Variants in AGAP1 observed in about 807,000 individuals in gnomAD.
AGAP1 encodes ArfGAP with GTPase domain, ankyrin repeat and PH domain 1.
Under a neutral mutation model 105.3 loss-of-function variants are expected in AGAP1, and 29 were observed. The observed-to-expected ratio is 0.28, with a 90% confidence interval of 0.21 to 0.38. The LOEUF is 0.38. AGAP1 is among the 10% of genes least tolerant of loss of function. AGAP1 has a pLI of 1.00. For synonymous variants in AGAP1, 509 were observed against 485.9 expected, an observed-to-expected ratio of 1.05 and a Z score of -0.63; for missense variants, 998 against 1,165.1, an observed-to-expected ratio of 0.86 and a Z score of 2.09.
Position 236,053,507 on chromosome 2 carries a change from A to G in AGAP1, c.2114+4226A>G, listed in dbSNP as rs1455455058. ...CCCGTTGTTCTTTATTGTTGTCCCCATTGCACTTAAAAACATTTGGGATTG... is the reference window on the plus strand; with the variant it reads ...CCCGTTGTTCTTTATTGTTGTCCCCGTTGCACTTAAAAACATTTGGGATTG... On this transcript the variant is annotated intron_variant, in intron 16 of 17. Transcript: ENST00000304032. The surrounding 1 kb of genome is among the most constrained non-coding windows in gnomAD (Gnocchi z 4.6). Among the ~76,000 whole-genome samples the G allele has an allele frequency of 1.3e-5, 2 of 152,208 alleles. No homozygotes were observed. Among genetic ancestry groups the G allele is most frequent in the Non-Finnish European group, 2.9e-5 (2 of 68,040 alleles).
chr2:236,041,733 A>G (rs73123798), intron 15 of AGAP1, among the ~76,000 whole-genome samples: 39,393 of 152,152 alleles, frequency 0.26, 6,162 homozygotes, highest in African/African-American at 0.44. Flanking sequence ...CCAGGAGTCA[A>G]ACGTGCATGG....
chr2:235,706,497 G>A (rs1177908877), intron 1 of AGAP1, among the ~76,000 whole-genome samples: 1 of 152,120 alleles, frequency 6.6e-6, no homozygotes, highest in Non-Finnish European at 1.5e-5. Context: ...CAAATTACAG[G>A]CCTGAGCCAC....
In AGAP1 at chr2:236,109,664, G is replaced by A. The variant is rs1398858281; in HGVS notation, c.2115-10528G>A. On this transcript the variant is annotated intron_variant, in intron 16 of 17. Transcript: ENST00000304032. This position sits in a 1 kb window ranked among gnomAD's most constrained non-coding sequence, Gnocchi z 5.4. ...CGTGGGAACGTCCTAGTCGGCGGCA[G>A]CGTCGGTGCTCTGGACCGGCAGCCG... Among the ~76,000 whole-genome samples the A allele has an allele frequency of 6.6e-6, 1 of 152,224 alleles. No homozygotes were observed. Among genetic ancestry groups the A allele is most frequent in the African/African-American group, 2.4e-5 (1 of 41,468 alleles).
rs906127550 is a variant in AGAP1, at chr2:235,927,698, G to A, written c.1325-3067G>A. Among the ~76,000 whole-genome samples, 2 of 152,214 alleles carry A rather than the reference G, an allele frequency of 1.3e-5. No homozygotes were observed. The highest frequency in any genetic ancestry group is 1.3e-4 in the Admixed American group (2 of 15,286). On this transcript the variant is annotated intron_variant, in intron 11 of 17. Coordinates refer to ENST00000304032, the MANE Select transcript of AGAP1 (RefSeq NM_001037131.3). The surrounding 1 kb of genome is among the most constrained non-coding windows in gnomAD (Gnocchi z 4.4). ...GCAAGTAGTCAGTGATGGATGCACT[G>A]AAATACTGTCCTCTGCCTTTTAAAG...
In AGAP1 at chr2:235,612,271, G is replaced by A. The variant is rs1199984330; in HGVS notation, c.164-96908G>A. Among the ~76,000 whole-genome samples, 1 of 152,156 alleles carries A rather than the reference G, an allele frequency of 6.6e-6. No individual in the cohort carries two copies. Among genetic ancestry groups the A allele is most frequent in the Non-Finnish European group, 1.5e-5 (1 of 68,028 alleles). Reference sequence around the variant, plus strand: ...TTACACCAGCACCTTTCATCTCAGGGGTGCTTGTGAATTGATTGCACCCCT... The same window carrying A: ...TTACACCAGCACCTTTCATCTCAGGAGTGCTTGTGAATTGATTGCACCCCT... On this transcript the variant is annotated intron_variant, in intron 1 of 17. Transcript: ENST00000304032. The surrounding 1 kb of genome is among the most constrained non-coding windows in gnomAD (Gnocchi z 4.3).
rs573529248 is a variant in AGAP1 at position 235,722,828 on chromosome 2, G to A, written c.310+5184G>A. ...CTTTTGGCTTTGCTGGGCTACATTG[G>A]AAGAGGAAGAATTGTCTTGGGCCAC... On this transcript the variant is annotated intron_variant, in intron 3 of 17. Transcript: ENST00000304032. Among the ~76,000 whole-genome samples the A allele has an allele frequency of 1.5e-3, 225 of 151,978 alleles. 1 individual carries two copies. Among genetic ancestry groups the A allele is most frequent in the African/African-American group, 4.8e-3 (198 of 41,460 alleles).
rs1046631630 is a variant in AGAP1, at chr2:235,692,579, C to G, written c.164-16600C>G. ...ATGCTCTCCCCCCTTGCCCTCCCCC[C>G]TTGCCTTCCTGGGCCATCCTTTTCT... On this transcript the variant is annotated intron_variant, in intron 1 of 17. Transcript: ENST00000304032. The surrounding 1 kb of genome is among the most constrained non-coding windows in gnomAD (Gnocchi z 5.8). 6.6e-6 allele frequency among the ~76,000 whole-genome samples: 1 copy of G among 151,998 alleles called. No individual in the cohort carries two copies.
In AGAP1 at chr2:235,596,239, G is replaced by A. The variant is rs533052497; in HGVS notation, c.163+101390G>A. The stretch of plus-strand genomic sequence containing the variant: ...TTAAACGGAGTCAGAACCCGGCCAT[G>A]GATGTGTATTCACTGTTATTTAACA... On this transcript the variant is annotated intron_variant, in intron 1 of 17. Coordinates refer to ENST00000304032, the MANE Select transcript of AGAP1 (RefSeq NM_001037131.3). The surrounding 1 kb of genome is among the most constrained non-coding windows in gnomAD (Gnocchi z 5.9). Among the ~76,000 whole-genome samples, 2 of 152,320 alleles carry A rather than the reference G, an allele frequency of 1.3e-5. No homozygotes were observed. The highest frequency in any genetic ancestry group is 4.8e-5 in the African/African-American group (2 of 41,574).
intron 9 of AGAP1, among the ~76,000 whole-genome samples, chr2:235,876,465 C>T (rs907775960): frequency 1.3e-5 from 2 of 152,194 alleles, no homozygotes; most frequent in Admixed American, 6.5e-5. Context: ...TCTCATGGCT[C>T]CTCCCCAGCC....
chr2:236,081,112 A>G (rs7593861), intron 16 of AGAP1, among the ~76,000 whole-genome samples: 37,914 of 151,984 alleles, frequency 0.25, 5,289 homozygotes, highest in East Asian at 0.35. Context: ...AGCCCTGCCT[A>G]TTTCTTTCCA....
intron 12 of AGAP1, among the ~76,000 whole-genome samples, chr2:235,968,229 A>G (rs1464502378): frequency 6.6e-6 from 1 of 152,188 alleles, no homozygotes; most frequent in Non-Finnish European, 1.5e-5. Flanking sequence ...CTGCTGATAG[A>G]AAAAGAAATG....
rs547851518 is a variant in AGAP1, at chr2:236,096,125, C to T, written c.2115-24067C>T. On this transcript the variant is annotated intron_variant, in intron 16 of 17. Transcript: ENST00000304032. The surrounding 1 kb of genome is among the most constrained non-coding windows in gnomAD (Gnocchi z 4.4). ...GAACCGCAGTACTATGTATCTTACC[C>T]TACCATGTGCATAGCTGTTTTTCAT... Among the ~76,000 whole-genome samples the T allele has an allele frequency of 2.0e-4, 31 of 152,334 alleles. No individual in the cohort carries two copies. The highest frequency in any genetic ancestry group is 7.5e-4 in the African/African-American group (31 of 41,584).
chr2:236,110,408 T>G (rs1488104037), intron 16 of AGAP1, among the ~76,000 whole-genome samples: 2 of 147,054 alleles, frequency 1.4e-5, no homozygotes, highest in Non-Finnish European at 3.0e-5. Context: ...AAAAAAAAAT[T>G]GAAAATTAGC....
rs1426842298 is a variant in AGAP1 at position 235,936,343 on chromosome 2, G to T, written c.1483+5420G>T. Among the ~76,000 whole-genome samples, 2 of 152,146 alleles carry T rather than the reference G, an allele frequency of 1.3e-5. No homozygotes were observed. The highest frequency in any genetic ancestry group is 2.9e-5 in the Non-Finnish European group (2 of 68,032). On this transcript the variant is annotated intron_variant, in intron 12 of 17. Coordinates refer to ENST00000304032, the MANE Select transcript of AGAP1 (RefSeq NM_001037131.3). The surrounding 1 kb of genome is among the most constrained non-coding windows in gnomAD (Gnocchi z 4.7). The stretch of plus-strand genomic sequence containing the variant: ...ATGCTCTGGTCCCTGTTTCCTTCTG[G>T]CCACGTAATCATTATATCTTTCCAG...
At chr2:235,869,561 A>T (rs1434265534) in intron 9 of AGAP1, among the ~76,000 whole-genome samples, 1 of 151,880 alleles carries the variant, frequency 6.6e-6, no homozygotes. Flanking sequence ...AGATCGCGCC[A>T]CTGCACTCCA....
At chr2:235,853,068 A>G (rs2048545563) in intron 9 of AGAP1, 2 of 1,235,578 alleles carry the variant, frequency 1.6e-6, no homozygotes, top group Non-Finnish European at 2.0e-6. Context: ...TCAGTCCACA[A>G]AGGAAGGAAA....
In AGAP1 at chr2:235,865,046, G is replaced by A. The variant is rs142265357; in HGVS notation, c.1051-18299G>A. 6.2e-3 allele frequency among the ~76,000 whole-genome samples: 945 copies of A among 152,266 alleles called. 9 individuals are homozygous for A. The highest frequency in any genetic ancestry group is 0.022 in the African/African-American group (898 of 41,556). On this transcript the variant is annotated intron_variant, in intron 9 of 17. Coordinates refer to ENST00000304032, the MANE Select transcript of AGAP1 (RefSeq NM_001037131.3). This position sits in a 1 kb window ranked among gnomAD's most constrained non-coding sequence, Gnocchi z 6.2. ...TTCTTGGTCTTGTTATTCAGTGGACGCTGTATTAAATTGGATTCTGTGTCC... is the reference window on the plus strand; with the variant it reads ...TTCTTGGTCTTGTTATTCAGTGGACACTGTATTAAATTGGATTCTGTGTCC...
intron 10 of AGAP1, among the ~76,000 whole-genome samples, chr2:235,885,726 T>A (rs2050243981): frequency 6.6e-6 from 1 of 152,248 alleles, no homozygotes; most frequent in African/African-American, 2.4e-5. Context: ...TCTTTTAGCG[T>A]AGCTATACCT....
rs2055133532 is a variant in AGAP1 at position 235,982,323 on chromosome 2, CCAATT to C, written c.1645+13701_1645+13705del. On this transcript the variant is annotated intron_variant, in intron 13 of 17. Transcript: ENST00000304032. The surrounding 1 kb of genome is among the most constrained non-coding windows in gnomAD (Gnocchi z 4.9). ...ATTAACATATAATTACCTCAACGGG[CCAATT>C]AATTAAGCAATTTAAGATCTATAAC... Among the ~76,000 whole-genome samples, 1 of 146,602 alleles carries C rather than the reference CCAATT, an allele frequency of 6.8e-6. No homozygotes were observed. Among genetic ancestry groups the C allele is most frequent in the African/African-American group, 2.8e-5 (1 of 36,200 alleles).
Sources: gnomAD v4.1 joint callset for allele counts (sites outside exome capture counted in the v4.1 genomes callset) on GRCh38, gnomAD v4.1.1 for gene constraint, Gnocchi (gnomAD v3.1) non-coding constraint, MANE v1.5 for transcripts, NCBI Gene and HGNC (gene_info 2026-07-23, HGNC 2026-07-21) for gene names.